Variants in PHF20 observed in about 807,000 individuals in gnomAD.
PHF20 encodes the protein PHD finger protein 20, also known as glioma-expressed antigen 2.
A neutral mutation model predicts 113.5 loss-of-function variants in PHF20; 23 were observed. The observed-to-expected ratio is 0.20, with a 90% CI of 0.15 to 0.29. The LOEUF (loss-of-function observed/expected upper bound fraction) is 0.29, where lower values mean the gene tolerates loss of function less well. Among genes scored for constraint, PHF20 ranks in the 10% least tolerant of loss-of-function variants. PHF20 has a pLI of 1.00. For missense variants in PHF20, 943 were observed against 1,219.6 expected, an observed-to-expected ratio of 0.77 and a Z score of 3.38; for synonymous variants, 434 against 457.3, an observed-to-expected ratio of 0.95 and a Z score of 0.65.
chr20:35,842,931 C>T (rs765043319), intron 3 of PHF20, among the ~76,000 whole-genome samples, 187 bp downstream of exon 3: 18 of 152,134 alleles, frequency 1.2e-4, no homozygotes, highest in Admixed American at 2.0e-4. Context: ...TTTTTTGAGA[C>T]GGAGTCTCGC....
intron 10 of PHF20, among the ~76,000 whole-genome samples, chr20:35,910,454 G>A (rs1166056507): frequency 6.6e-6 from 1 of 151,992 alleles, no homozygotes; most frequent in East Asian, 1.9e-4. Context: ...GGTATAATTG[G>A]TGAGATTTGA....
At chr20:35,823,650 A>T (rs952814276) in intron 2 of PHF20, among the ~76,000 whole-genome samples, 2 of 151,076 alleles carry the variant, frequency 1.3e-5, no homozygotes, top group Non-Finnish European at 3.0e-5. Flanking sequence ...AAAAAAAAAA[A>T]AAAAGGGGTG....
chr20:35,931,951 CAA>C (rs1046023916), intron 15 of PHF20, among the ~76,000 whole-genome samples: 24 of 137,602 alleles, frequency 1.7e-4, no homozygotes, highest in Admixed American at 3.6e-4. Flanking sequence ...AACTCCGTCT[CAA>C]AAAAAAAAAG....
intron 9 of PHF20, among the ~76,000 whole-genome samples, chr20:35,890,320 A>G (rs886628937): frequency 3.9e-5 from 6 of 152,212 alleles, no homozygotes; most frequent in African/African-American, 1.2e-4. Context: ...ACGAGCCACT[A>G]CACCTGACCT....
chr20:35,904,950 C>T (rs971202398), intron 10 of PHF20, among the ~76,000 whole-genome samples: 9 of 151,990 alleles, frequency 5.9e-5, no homozygotes, highest in African/African-American at 1.7e-4. Flanking sequence ...CTCAGCCTCC[C>T]GAGTAGCTGG....
At chr20:35,800,858 A>AT (rs199555274) in intron 1 of PHF20, among the ~76,000 whole-genome samples, 16 of 151,844 alleles carry the variant, frequency 1.1e-4, no homozygotes, top group South Asian at 2.1e-4. Flanking sequence ...TTCGTTTTTA[A>AT]TTTTTTTTGT....
chr20:35,886,019 T>G (rs1260356130), intron 9 of PHF20, among the ~76,000 whole-genome samples: 1 of 152,166 alleles, frequency 6.6e-6, no homozygotes, highest in Non-Finnish European at 1.5e-5. Flanking sequence ...CTTCCTTTCC[T>G]TGTTTGTTTA....
intron 4 of PHF20, among the ~76,000 whole-genome samples, chr20:35,854,674 C>A (rs997511546): frequency 6.6e-6 from 1 of 152,098 alleles, no homozygotes; most frequent in Non-Finnish European, 1.5e-5. Context: ...TATCTAAGGA[C>A]GGTCATCCCT....
chr20:35,855,334 T>C (rs1465326438), intron 4 of PHF20: 2 of 931,410 alleles, frequency 2.1e-6, no homozygotes, highest in Non-Finnish European at 3.1e-6. Context: ...GTGTAGATAA[T>C]TGTTTATGCT....
rs1355372965 is a variant in PHF20 at position 35,950,312 on chromosome 20, C to T, written c.*2685C>T. ...AAATGTTGCTTTGAAGCAATATTTG[C>T]AAAACACGCAGACTTCTGTATCTGT... On this transcript the variant is annotated 3_prime_UTR_variant, in exon 18 of 18. Transcript: ENST00000374012. 1.3e-5 allele frequency: 2 copies of T among 152,686 alleles called. No individual in the cohort carries two copies. Among genetic ancestry groups the T allele is most frequent in the South Asian group, 2.1e-4 (1 of 4,824 alleles). 9.5% of individuals were successfully genotyped at this position (152,686 alleles called of 1,614,324 possible).
intron 3 of PHF20, 106 bp from the exon 4 acceptor site, chr20:35,847,244 C>A: frequency 1.5e-6 from 1 of 684,760 alleles, no homozygotes; most frequent in Non-Finnish European, 2.4e-6. Flanking sequence ...TTTCCCTTCA[C>A]ACTTTCTTAT....
intron 9 of PHF20, among the ~76,000 whole-genome samples, chr20:35,885,946 A>G (rs1349691440): frequency 6.6e-6 from 1 of 151,772 alleles, no homozygotes; most frequent in East Asian, 1.9e-4. Flanking sequence ...TCTAACTTTC[A>G]TCATTCTTTC....
intron 4 of PHF20, among the ~76,000 whole-genome samples, chr20:35,854,681 C>T (rs1243990525): frequency 2.6e-5 from 4 of 152,092 alleles, no homozygotes; most frequent in African/African-American, 9.7e-5. Context: ...GGACGGTCAT[C>T]CCTTAGCACC....
At chr20:35,788,090 T>G (rs1043022864) in intron 1 of PHF20, among the ~76,000 whole-genome samples, 16 of 151,230 alleles carry the variant, frequency 1.1e-4, no homozygotes, top group Non-Finnish European at 1.9e-4. Flanking sequence ...ATATTTTTAT[T>G]TATTTGTTTA....
intron 9 of PHF20, among the ~76,000 whole-genome samples, chr20:35,874,856 C>G (rs2054489079): frequency 6.6e-6 from 1 of 151,660 alleles, no homozygotes; most frequent in South Asian, 2.1e-4. Flanking sequence ...GAGGTTGAGA[C>G]TGGAGGGTCA....
chr20:35,882,383 A>G (rs1261939977), intron 9 of PHF20, among the ~76,000 whole-genome samples: 2 of 152,188 alleles, frequency 1.3e-5, no homozygotes, highest in African/African-American at 4.8e-5. Flanking sequence ...AAGTAGATCC[A>G]TTGGGAACAT....
intron 2 of PHF20, among the ~76,000 whole-genome samples, chr20:35,802,696 G>A (rs1238977219): frequency 1.3e-5 from 2 of 152,068 alleles, no homozygotes; most frequent in Non-Finnish European, 2.9e-5. Flanking sequence ...CCAGCACTTT[G>A]GGAGGCCGAG....
In PHF20 at chr20:35,863,296, C is replaced by A. The variant is rs1014731601; in HGVS notation, c.704C>A (p.Ala235Asp). ...SENDREYSGD[A>D]QVDKKPENDI... The stretch of plus-strand genomic sequence containing the variant: ...AATGACAGAGAGTATTCTGGAGATG[C>A]CCAAGTGGATAAGAAACCTGAAAAT... Residue 235 changes from alanine to aspartate, a missense_variant, in exon 6 of 18, where the codon GCC (alanine) becomes GAC (aspartate). By Grantham distance (126) the Ala-to-Asp change is moderately radical. Transcript: ENST00000374012. 3.7e-5 allele frequency: 60 copies of A among 1,613,952 alleles called. No homozygotes were observed. The highest frequency in any genetic ancestry group is 5.0e-5 in the Non-Finnish European group (59 of 1,179,998).
chr20:35,947,354 CA>C lies in PHF20; in HGVS notation c.2897-130del. The C allele has an allele frequency of 3.6e-6, 3 of 823,392 alleles. 1 individual carries two copies. The highest frequency in any genetic ancestry group is 5.6e-6 in the Non-Finnish European group (3 of 539,706). The allele number at this position is 823,392 out of a possible 1,614,324, so 51.0% of individuals were successfully genotyped here. On this transcript the variant is annotated intron_variant, in intron 17 of 17. Transcript: ENST00000374012. ...TGAAATGGCCCTTCCTCCCTTGCCC[CA>C]TGGAGGCTGAAATGGCCCTTCCTCC...
Sources: allele counts gnomAD v4.1 joint callset (sites outside exome capture counted in the v4.1 genomes callset), GRCh38; gene constraint gnomAD v4.1.1; transcripts MANE v1.5; gene names NCBI Gene and HGNC (gene_info 2026-07-23, HGNC 2026-07-21).